KLF13: variants seen among roughly 807,000 people sequenced by gnomAD.
KLF13 encodes KLF transcription factor 13, also known as Krueppel-like factor 13.
In KLF13, 8 loss-of-function variants were observed where a neutral mutation model predicts 16.7. The ratio of observed to expected loss-of-function variants is 0.48; its 90% CI spans 0.28 to 0.87. The LOEUF (loss-of-function observed/expected upper bound fraction) is 0.87, where lower values mean the gene tolerates loss of function less well. Among genes scored for constraint, KLF13 ranks in the 40% least tolerant of loss-of-function variants. The pLI, the probability that KLF13 is intolerant of heterozygous loss-of-function variation, is 0.10. For missense variants in KLF13, 447 were observed against 452.2 expected, an observed-to-expected ratio of 0.99 and a Z score of 0.10; for synonymous variants, 245 against 208.4, an observed-to-expected ratio of 1.18 and a Z score of -1.51.
chr15:31,333,467 A>G (rs1300637124), intron 1 of KLF13, among the ~76,000 whole-genome samples: 1 of 152,074 alleles, frequency 6.6e-6, no homozygotes, highest in Non-Finnish European at 1.5e-5. Context: ...CTGCTTCTTA[A>G]AGGTTGAGGG....
Position 31,355,341 on chromosome 15 carries a change from A to G in KLF13, c.578-16669A>G, listed in dbSNP as rs139140296. ...GCTTCTGAAGAGGAGCTACTAGGAGAAGAAAGTGATGCTCTAAGGAAAGGC... is the reference window on the plus strand; with the variant it reads ...GCTTCTGAAGAGGAGCTACTAGGAGGAGAAAGTGATGCTCTAAGGAAAGGC... On this transcript the variant is annotated intron_variant, in intron 1 of 1. Transcript: ENST00000307145. Among the ~76,000 whole-genome samples, 9 of 152,232 alleles carry G rather than the reference A, an allele frequency of 5.9e-5. No homozygotes were observed. In the East Asian group the frequency reaches 1.7e-3, roughly 29 times the overall value.
rs977215422 is a variant in KLF13 at position 31,372,443 on chromosome 15, T to TA, written c.*151dup. The TA allele has an allele frequency of 1.1e-5, 11 of 962,618 alleles. No individual in the cohort carries two copies. Among genetic ancestry groups the TA allele is most frequent in the African/African-American group, 1.7e-5 (1 of 58,302 alleles). The allele number at this position is 962,618 out of a possible 1,614,324, so 59.6% of individuals were successfully genotyped here. On this transcript the variant is annotated 3_prime_UTR_variant, in exon 2 of 2. Coordinates refer to ENST00000307145, the MANE Select transcript of KLF13 (RefSeq NM_015995.4). ...ACCTCAGGTGTCAAAGTAAATTTGT[T>TA]AAAAAAACAAAAAAAACACAAAAAT... is the stretch of plus-strand genomic sequence containing the variant.
At chr15:31,435,008 T>A (rs2141018592) in intron 1 of KLF13, among the ~76,000 whole-genome samples, 1 of 152,332 alleles carries the variant, frequency 6.6e-6, no homozygotes, top group Non-Finnish European at 1.5e-5. Flanking sequence ...TTGTCAGAAA[T>A]ATTCCTTTCC....
chr15:31,423,159 A>ATATACG lies in KLF13; in HGVS notation n.118-12207_118-12206insCGTATA, dbSNP rs1566848484. On this transcript the variant is annotated intron_variant and non_coding_transcript_variant, in intron 1 of 1. Transcript: ENST00000558225. Reference sequence around the variant, plus strand: ...TATACGTATACGTATATATACGTATATATATGTATATATATACATATATAC... The same window carrying ATATACG: ...TATACGTATACGTATATATACGTATATATACGTATATGTATATATATACATATATAC... Among the ~76,000 whole-genome samples the ATATACG allele has an allele frequency of 3.5e-4, 41 of 118,724 alleles. 1 individual carries two copies. Among genetic ancestry groups the ATATACG allele is most frequent in the East Asian group, 6.3e-4 (3 of 4,736 alleles). The allele number at this position is 118,724 out of a possible 152,430, so 77.9% of individuals were successfully genotyped here.
chr15:31,425,796 G>C (rs2141012391), intron 1 of KLF13, among the ~76,000 whole-genome samples: 1 of 152,270 alleles, frequency 6.6e-6, no homozygotes, highest in South Asian at 2.1e-4. Flanking sequence ...AGAATTGCTT[G>C]AATCCAGGAG....
chr15:31,362,115 T>TA (rs2039399694), intron 1 of KLF13, among the ~76,000 whole-genome samples: 1 of 152,192 alleles, frequency 6.6e-6, no homozygotes, highest in African/African-American at 2.4e-5. Context: ...AAAGTGGTCT[T>TA]ATGGCAGGAG....
rs755032418 is a variant in KLF13 at position 31,327,815 on chromosome 15, G to T, written c.577+26G>T. On this transcript the variant is annotated intron_variant, in intron 1 of 1. Transcript: ENST00000307145. ...GTCAGTGGGGCGGCGCGGGCGCCCGGATCGCGCGGACGGGGTCGGCGCGAG... is the reference window on the plus strand; with the variant it reads ...GTCAGTGGGGCGGCGCGGGCGCCCGTATCGCGCGGACGGGGTCGGCGCGAG... 4 of 1,436,790 alleles carry T rather than the reference G, an allele frequency of 2.8e-6. No homozygotes were observed. In the South Asian group the frequency reaches 4.1e-5, roughly 15 times the overall value. The allele number at this position is 1,436,790 out of a possible 1,614,324, so 89.0% of individuals were successfully genotyped here.
chr15:31,329,158 G>C (rs531356778), intron 1 of KLF13, among the ~76,000 whole-genome samples: 2 of 151,884 alleles, frequency 1.3e-5, no homozygotes, highest in Non-Finnish European at 2.9e-5. Context: ...GGGTGAGAGC[G>C]GGGCCATTTC....
chr15:31,354,775 C>T (rs2039273968), intron 1 of KLF13, among the ~76,000 whole-genome samples: 2 of 152,202 alleles, frequency 1.3e-5, no homozygotes, highest in Non-Finnish European at 2.9e-5. Flanking sequence ...TGCTAGCCCC[C>T]TGCAGTCTTA....
chr15:31,403,436 G>A (rs982994388), exon 3 of KLF13: 1 of 152,218 alleles, frequency 6.6e-6, no homozygotes, highest in African/African-American at 2.4e-5. Flanking sequence ...AGCTCAGCGT[G>A]TGGCTACCTG....
intron 1 of KLF13, among the ~76,000 whole-genome samples, chr15:31,339,554 G>A (rs750804982): frequency 6.6e-5 from 10 of 152,168 alleles, no homozygotes; most frequent in East Asian, 1.9e-4. Context: ...AAGTTCCATG[G>A]AAAATTTTGG....
chr15:31,393,728 A>T (rs2039909765), intron 2 of KLF13: 1 of 152,298 alleles, frequency 6.6e-6, no homozygotes, highest in Non-Finnish European at 1.5e-5. Context: ...CACTGAGATC[A>T]TGTTCATTAT....
intron 1 of KLF13, among the ~76,000 whole-genome samples, chr15:31,425,642 T>C (rs942289612): frequency 1.3e-5 from 2 of 152,116 alleles, no homozygotes; most frequent in African/African-American, 4.8e-5. Context: ...TTTGGGAGGC[T>C]GAGGCGGGCA....
intron 1 of KLF13, among the ~76,000 whole-genome samples, chr15:31,358,491 A>T (rs1379598803): frequency 6.6e-6 from 1 of 152,216 alleles, no homozygotes; most frequent in African/African-American, 2.4e-5. Flanking sequence ...TTGAATTTTC[A>T]TAATAACAAA....
At chr15:31,339,614 C>T (rs979772155) in intron 1 of KLF13, among the ~76,000 whole-genome samples, 3 of 152,234 alleles carry the variant, frequency 2.0e-5, no homozygotes, top group Non-Finnish European at 4.4e-5. Flanking sequence ...ACTGGTGCTT[C>T]CAGAAGCTGT....
At chr15:31,359,182 C>T (rs1838267163) in intron 1 of KLF13, among the ~76,000 whole-genome samples, 1 of 152,148 alleles carries the variant, frequency 6.6e-6, no homozygotes, top group African/African-American at 2.4e-5. Flanking sequence ...CATTGAGGAG[C>T]AATAAGGGTT....
At chr15:31,398,667 C>A (rs1001819433) in intron 2 of KLF13, among the ~76,000 whole-genome samples, 4 of 152,118 alleles carry the variant, frequency 2.6e-5, no homozygotes, top group African/African-American at 9.7e-5. Context: ...AGGCACAGTA[C>A]CACATCAGGA....
chr15:31,413,981 G>A (rs960827387), intron 1 of KLF13, among the ~76,000 whole-genome samples: 1 of 152,114 alleles, frequency 6.6e-6, no homozygotes, highest in African/African-American at 2.4e-5. Flanking sequence ...GTGGTAAGTG[G>A]GAGTAAACAT....
chr15:31,389,883 C>T (rs1339341083), upstream of KLF13, among the ~76,000 whole-genome samples: 1 of 152,164 alleles, frequency 6.6e-6, no homozygotes, highest in Non-Finnish European at 1.5e-5. Context: ...ACACCACCAC[C>T]ACCGTCTCCA....
Sources: gnomAD v4.1 joint callset for allele counts (sites outside exome capture counted in the v4.1 genomes callset) on GRCh38, gnomAD v4.1.1 for gene constraint, MANE v1.5 for transcripts, NCBI Gene and HGNC (gene_info 2026-07-23, HGNC 2026-07-21) for gene names.